NRXN3: variants seen among roughly 807,000 people sequenced by gnomAD.
NRXN3 encodes neurexin 3.
Under a neutral mutation model 137.6 loss-of-function variants are expected in NRXN3, and 32 were observed. The observed-to-expected ratio is 0.23, with a 90% CI of 0.18 to 0.31. The LOEUF is 0.31. NRXN3 is among the 10% of genes least tolerant of loss of function. The pLI is 1.00. For synonymous variants in NRXN3, 798 were observed against 784.5 expected (o/e 1.02, Z -0.29); for missense variants, 1,574 against 2,062.5 (o/e 0.76, Z 4.59).
At chr14:79,389,088 A>G (rs949348258) in intron 15 of NRXN3, among the ~76,000 whole-genome samples, 11 of 152,210 alleles carry the variant, frequency 7.2e-5, no homozygotes, top group Non-Finnish European at 1.3e-4. Flanking sequence ...TATTAGCAGC[A>G]TGAGAACTGA....
intron 16 of NRXN3, among the ~76,000 whole-genome samples, chr14:79,657,743 G>GATCA (rs1306813108): frequency 6.6e-6 from 1 of 152,170 alleles, no homozygotes; most frequent in African/African-American, 2.4e-5. Flanking sequence ...AGTCAAAATT[G>GATCA]ATCAATCAGG....
intron 4 of NRXN3, among the ~76,000 whole-genome samples, chr14:78,611,952 G>A (rs1346613185): frequency 1.3e-5 from 2 of 152,152 alleles, no homozygotes; most frequent in African/African-American, 4.8e-5. Flanking sequence ...AACCCAAGAC[G>A]TCTATCTGCT....
chr14:79,771,502 T>C (rs868648195), intron 19 of NRXN3, among the ~76,000 whole-genome samples: 73 of 151,688 alleles, frequency 4.8e-4, no homozygotes, highest in African/African-American at 1.7e-3. Context: ...ATCCAGCATA[T>C]AAACAGAACC....
At chr14:78,923,052 T>A (rs2099275387) in intron 10 of NRXN3, among the ~76,000 whole-genome samples, 1 of 152,082 alleles carries the variant, frequency 6.6e-6, no homozygotes, top group Non-Finnish European at 1.5e-5. Context: ...GCCTATGTAG[T>A]ATGTGACTTT....
At chr14:79,774,519 A>T (rs1015900521) in intron 19 of NRXN3, among the ~76,000 whole-genome samples, 2 of 152,188 alleles carry the variant, frequency 1.3e-5, no homozygotes, top group Non-Finnish European at 1.5e-5. Flanking sequence ...AAGAACAATG[A>T]TTAAACTATT....
At chr14:78,611,125 C>T (rs1055990059) in intron 4 of NRXN3, among the ~76,000 whole-genome samples, 1 of 152,110 alleles carries the variant, frequency 6.6e-6, no homozygotes, top group East Asian at 1.9e-4. Flanking sequence ...TCCATGGCAA[C>T]GTGAAGACAG....
At chr14:78,752,519 G>T (rs1213373429) in intron 8 of NRXN3, among the ~76,000 whole-genome samples, 2 of 152,202 alleles carry the variant, frequency 1.3e-5, no homozygotes, top group Non-Finnish European at 2.9e-5. Context: ...GGCAAACATG[G>T]CTCTTAAGAA....
chr14:79,778,320 G>T (rs1445581440), intron 19 of NRXN3, among the ~76,000 whole-genome samples: 1 of 152,156 alleles, frequency 6.6e-6, no homozygotes, highest in Non-Finnish European at 1.5e-5. Context: ...GGAGGCTGAG[G>T]CAGGAGAATC....
intron 3 of NRXN3, among the ~76,000 whole-genome samples, chr14:78,291,815 AT>A (rs1211360603): frequency 6.6e-6 from 1 of 152,240 alleles, no homozygotes; most frequent in East Asian, 1.9e-4. Context: ...AAAAGAGATG[AT>A]ATATGTGGAT....
At chr14:78,604,297 C>T (rs543930718) in intron 4 of NRXN3, among the ~76,000 whole-genome samples, 1 of 122,954 alleles carries the variant, frequency 8.1e-6, no homozygotes, top group East Asian at 2.4e-4. Context: ...CTCTCTTGGT[C>T]ATTTGTTTTT....
chr14:78,300,505 G>T (rs766921138), intron 4 of NRXN3, among the ~76,000 whole-genome samples: 2 of 152,232 alleles, frequency 1.3e-5, no homozygotes, highest in Non-Finnish European at 2.9e-5. Context: ...TCCTTAGGAT[G>T]TTGCAATGCT....
intron 16 of NRXN3, among the ~76,000 whole-genome samples, chr14:79,564,587 A>G (rs762814214): frequency 4.6e-5 from 7 of 152,144 alleles, no homozygotes; most frequent in Non-Finnish European, 1.0e-4. Context: ...GCTTGTACTC[A>G]CAAAGACAAA....
chr14:78,480,140 G>C (rs1277367138), intron 4 of NRXN3, among the ~76,000 whole-genome samples: 51 of 152,126 alleles, frequency 3.4e-4, no homozygotes, highest in Admixed American at 3.3e-3. Flanking sequence ...GACCCTCAAA[G>C]AAACAAACAA....
chr14:78,645,495 A>T, intron 5 of NRXN3, 74 bp downstream of exon 5: 1 of 1,354,410 alleles, frequency 7.4e-7, no homozygotes, highest in Non-Finnish European at 9.9e-7. Flanking sequence ...GAAGCAGGTG[A>T]TGGGTGTGAG....
chr14:78,733,144 T>G (rs1295991162), intron 8 of NRXN3, among the ~76,000 whole-genome samples: 1 of 152,152 alleles, frequency 6.6e-6, no homozygotes, highest in Non-Finnish European at 1.5e-5. Context: ...TATTTATTTT[T>G]TGAAATAATA....
At chr14:79,617,923 A>AAAAACAAAAAAAACAAAAAAAAC (rs1567678850) in intron 16 of NRXN3, among the ~76,000 whole-genome samples, 1 of 149,758 alleles carries the variant, frequency 6.7e-6, no homozygotes, top group African/African-American at 2.5e-5. Flanking sequence ...GCAGCAAAAA[A>AAAAACAAAAAAAACAAAAAAAAC]AAAAAAAAAC....
chr14:79,773,740 G>C (rs1466192451), intron 19 of NRXN3, among the ~76,000 whole-genome samples: 1 of 149,704 alleles, frequency 6.7e-6, no homozygotes, highest in Non-Finnish European at 1.5e-5. Flanking sequence ...TAACTAACCT[G>C]CACAATGTGC....
chr14:78,626,443 T>C (rs1295937422), intron 4 of NRXN3, among the ~76,000 whole-genome samples: 1 of 152,090 alleles, frequency 6.6e-6, no homozygotes, highest in Non-Finnish European at 1.5e-5. Context: ...TCGTTATTAT[T>C]TTTTCCCTTC....
chr14:78,295,703 G>C (rs758863155), intron 3 of NRXN3, among the ~76,000 whole-genome samples: 8 of 152,074 alleles, frequency 5.3e-5, no homozygotes, highest in Non-Finnish European at 8.8e-5. Flanking sequence ...GTCTTGGTTC[G>C]TGAAGCCCAG....
Sources: gnomAD v4.1 joint callset for allele counts (sites outside exome capture counted in the v4.1 genomes callset) on GRCh38, gnomAD v4.1.1 for gene constraint, MANE v1.5 for transcripts, NCBI Gene and HGNC (gene_info 2026-07-23, HGNC 2026-07-21) for gene names.